The following ZNF618 variants were observed in gnomAD, a reference collection of about 807,000 sequenced individuals.
ZNF618 encodes neural precursor cell expressed, developmentally down-regulated 10.
A neutral mutation model predicts 103.0 loss-of-function variants in ZNF618; 34 were observed. That is an observed-to-expected ratio of 0.33 (90% CI 0.25 to 0.44). The LOEUF (loss-of-function observed/expected upper bound fraction) is 0.44, where lower values mean the gene tolerates loss of function less well. Among genes scored for constraint, ZNF618 ranks in the 20% least tolerant of loss-of-function variants. The pLI is 1.00. For missense variants in ZNF618, 1,059 were observed against 1,295.4 expected (o/e 0.82, Z 2.80); for synonymous variants, 551 against 542.2 (o/e 1.02, Z -0.23).
intron 10 of ZNF618, 155 bp downstream of exon 10, chr9:114,016,939 C>T (rs1429593561): frequency 1.6e-6 from 1 of 613,424 alleles, no homozygotes; most frequent in Non-Finnish European, 2.9e-6. Flanking sequence ...GACCCAGGGC[C>T]ACCTGTCTAC....
chr9:113,982,334 T>G (rs1029777777), intron 2 of ZNF618, among the ~76,000 whole-genome samples: 1 of 152,134 alleles, frequency 6.6e-6, no homozygotes, highest in African/African-American at 2.4e-5. Context: ...ATCTGATCTT[T>G]GTCACTGCCT....
At chr9:113,891,110 A>C (rs1420187732) in intron 1 of ZNF618, among the ~76,000 whole-genome samples, 1 of 152,184 alleles carries the variant, frequency 6.6e-6, no homozygotes, top group African/African-American at 2.4e-5. Flanking sequence ...CTTTTTAAAA[A>C]TATTTATATT....
Position 114,036,157 on chromosome 9 carries a change from G to C in ZNF618, c.1169-143G>C, listed in dbSNP as rs534959927. The stretch of plus-strand genomic sequence containing the variant: ...CTCCCTCATGGGTCTAGTGACGGGG[G>C]AGGCAGGCAGGCTGGGCCCGGAGCC... On this transcript the variant is annotated intron_variant, in intron 12 of 14. Coordinates refer to ENST00000374126, the MANE Select transcript of ZNF618 (RefSeq NM_001318042.2). The C allele has an allele frequency of 1.2e-5, 8 of 681,932 alleles. No homozygotes were observed. The East Asian group carries it at 1.9e-4, about 16-fold the overall frequency. The allele number at this position is 681,932 out of a possible 1,614,324, so 42.2% of individuals were successfully genotyped here. A position where few individuals can be genotyped will look rare whatever the true frequency, so the allele number is the denominator to read the frequency against.
At chr9:113,967,297 T>A (rs998734769) in intron 1 of ZNF618, among the ~76,000 whole-genome samples, 9 of 152,236 alleles carry the variant, frequency 5.9e-5, no homozygotes, top group Non-Finnish European at 1.2e-4. Flanking sequence ...GAATGCAAGA[T>A]GTTGGAAAGA....
chr9:113,917,497 A>G (rs1588035678), intron 1 of ZNF618, among the ~76,000 whole-genome samples: 1 of 149,776 alleles, frequency 6.7e-6, no homozygotes. Flanking sequence ...CAAGCAATCC[A>G]CCTGTCCCGG....
intron 9 of ZNF618, among the ~76,000 whole-genome samples, chr9:114,010,459 C>T (rs1156492215): frequency 6.6e-6 from 1 of 152,160 alleles, no homozygotes; most frequent in Non-Finnish European, 1.5e-5. Context: ...GTAATCCTAG[C>T]ACTTTGGGAG....
intron 1 of ZNF618, among the ~76,000 whole-genome samples, chr9:113,938,165 G>GTTTTT (rs770850585): frequency 3.5e-4 from 33 of 95,508 alleles, no homozygotes; most frequent in African/African-American, 7.2e-4. Context: ...TCAGGCTCCT[G>GTTTTT]TTTTTTTTTT....
At chr9:113,900,596 C>T (rs986550263) in intron 1 of ZNF618, among the ~76,000 whole-genome samples, 4 of 146,482 alleles carry the variant, frequency 2.7e-5, no homozygotes, top group African/African-American at 1.0e-4. Flanking sequence ...CGTCCTCTCC[C>T]GCGAACCCGA....
chr9:113,958,550 A>C (rs1836531059), intron 1 of ZNF618, among the ~76,000 whole-genome samples: 1 of 152,186 alleles, frequency 6.6e-6, no homozygotes, highest in African/African-American at 2.4e-5. Context: ...TAATCCTCAC[A>C]ATGGCTCTGT....
intron 1 of ZNF618, among the ~76,000 whole-genome samples, chr9:113,893,851 C>T (rs1314421488): frequency 6.6e-6 from 1 of 152,142 alleles, no homozygotes; most frequent in Non-Finnish European, 1.5e-5. Context: ...TAGTTTAACA[C>T]ATTTCCATAT....
chr9:113,877,501 CT>C (rs1172243447), intron 1 of ZNF618, among the ~76,000 whole-genome samples: 1 of 150,954 alleles, frequency 6.6e-6, no homozygotes, highest in African/African-American at 2.4e-5. Flanking sequence ...AAAATGTTGG[CT>C]TTGGACACAC....
chr9:113,935,797 G>A (rs556383277), intron 1 of ZNF618, among the ~76,000 whole-genome samples: 16 of 152,236 alleles, frequency 1.1e-4, no homozygotes, highest in Middle Eastern at 6.8e-3. Context: ...GGACCTGCTC[G>A]GCGAAAGTTT....
At chr9:113,877,711 T>G (rs1828090280) in intron 1 of ZNF618, among the ~76,000 whole-genome samples, 1 of 152,212 alleles carries the variant, frequency 6.6e-6, no homozygotes, top group Admixed American at 6.5e-5. Flanking sequence ...TGATTTTGTT[T>G]CCTGAAAGGT....
rs1168059377 is a variant in ZNF618, at chr9:113,981,083, C to T, written c.78-7238C>T. On this transcript the variant is annotated intron_variant, in intron 2 of 14. Coordinates refer to ENST00000374126, the MANE Select transcript of ZNF618 (RefSeq NM_001318042.2). ...TCTGGATGTGTGTTAATGCATTTAACATCCCATGCATGCATGCATTCATGG... is the reference window on the plus strand; with the variant it reads ...TCTGGATGTGTGTTAATGCATTTAATATCCCATGCATGCATGCATTCATGG... Among the ~76,000 whole-genome samples, 4 of 152,346 alleles carry T rather than the reference C, an allele frequency of 2.6e-5. No individual in the cohort carries two copies. The East Asian group carries it at 7.7e-4, about 29-fold the overall frequency.
chr9:113,879,333 G>A (rs1351728721), intron 1 of ZNF618, among the ~76,000 whole-genome samples: 1 of 141,702 alleles, frequency 7.1e-6, no homozygotes, highest in Admixed American at 7.1e-5. Context: ...ATTTTGTTCT[G>A]TTGTCTATGG....
chr9:113,977,382 G>C (rs1159538072), intron 2 of ZNF618, among the ~76,000 whole-genome samples: 1 of 152,186 alleles, frequency 6.6e-6, no homozygotes, highest in Non-Finnish European at 1.5e-5. Flanking sequence ...ATGAAGTAAT[G>C]GTGAACAGAG....
rs572784395 is a variant in ZNF618, at chr9:114,049,711, G to A, written c.2409G>A (p.Lys803=). 11 of 1,613,864 alleles carry A rather than the reference G, an allele frequency of 6.8e-6. No homozygotes were observed. The South Asian group carries it at 1.2e-4, about 18-fold the overall frequency. ...KENFKVHPAH[K]VAMILDPQQK... is the part of the protein sequence containing the mutation. ...ACTTCAAGGTGCACCCGGCCCACAAGGTGGCCATGATCCTGGACCCGCAGC... is the reference window on the plus strand; with the variant it reads ...ACTTCAAGGTGCACCCGGCCCACAAAGTGGCCATGATCCTGGACCCGCAGC... Residue 803 remains lysine (K), a synonymous_variant, in exon 15 of 15, where the codon AAG becomes AAA. Coordinates refer to ENST00000374126, the MANE Select transcript of ZNF618 (RefSeq NM_001318042.2).
intron 2 of ZNF618, among the ~76,000 whole-genome samples, chr9:113,978,478 GGGAC>G (rs1838692247): frequency 6.6e-6 from 1 of 152,190 alleles, no homozygotes; most frequent in South Asian, 2.1e-4. Flanking sequence ...TGGAAGAGGT[GGGAC>G]CCTTCATTCC....
At chr9:113,933,112 T>G (rs1351431138) in intron 1 of ZNF618, among the ~76,000 whole-genome samples, 1 of 152,122 alleles carries the variant, frequency 6.6e-6, no homozygotes, top group Non-Finnish European at 1.5e-5. Context: ...GAATGTCCAC[T>G]GGGTTTGGCA....
Sources: allele counts gnomAD v4.1 joint callset (sites outside exome capture counted in the v4.1 genomes callset), GRCh38; gene constraint gnomAD v4.1.1; transcripts MANE v1.5; gene names NCBI Gene and HGNC (gene_info 2026-07-23, HGNC 2026-07-21).